Variants in ALPK3 observed in about 807,000 individuals in gnomAD.
ALPK3 encodes alpha kinase 3.
ALPK3 carries 102 observed loss-of-function variants against 140.0 expected under a neutral mutation model. The observed-to-expected ratio is 0.73, with a 90% CI of 0.62 to 0.86. The LOEUF (loss-of-function observed/expected upper bound fraction) is 0.86. ALPK3 is among the 40% of genes least tolerant of loss of function. The pLI is 0.00. For missense variants in ALPK3, 2,254 were observed against 2,208.2 expected, an observed-to-expected ratio of 1.02 and a Z score of -0.42; for synonymous variants, 938 against 898.5, an observed-to-expected ratio of 1.04 and a Z score of -0.79.
At chr15:84,832,985 C>T (rs753190444) in intron 3 of ALPK3, among the ~76,000 whole-genome samples, 1 of 152,178 alleles carries the variant, frequency 6.6e-6, no homozygotes, top group Non-Finnish European at 1.5e-5. Context: ...TTATCAAATA[C>T]TCCCAGTGTC....
At position 84,857,936 on chromosome 15, in the gene ALPK3, C is replaced by T; in HGVS notation, c.3198C>T (p.Pro1066=). 6.2e-7 allele frequency: 1 copy of T among 1,609,648 alleles called. No homozygotes were observed. Among genetic ancestry groups the T allele is most frequent in the Non-Finnish European group, 8.5e-7 (1 of 1,178,554 alleles). Residue 1066 remains proline, a synonymous_variant, in exon 6 of 14, where the codon CCC becomes CCT. Transcript: ENST00000258888. ...CCCGAGGCTCCTGGGGTCCTGGTCCCAGCTCCCTCACTGTCCCTGCCATTG... is the reference window on the plus strand; with the variant it reads ...CCCGAGGCTCCTGGGGTCCTGGTCCTAGCTCCCTCACTGTCCCTGCCATTG... The part of the protein sequence containing the change: ...AAARGSWGPG[P]SSLTVPAIVV...
At chr15:84,859,204 A>G (rs1963907637) in intron 6 of ALPK3, 39 bp from the exon 7 acceptor site, 1 of 1,612,380 alleles carries the variant, frequency 6.2e-7, no homozygotes. Flanking sequence ...TGGCCAGAGG[A>G]GAGGTGGTGT....
chr15:84,822,737 C>T (rs545520605), intron 1 of ALPK3, among the ~76,000 whole-genome samples: 6 of 152,300 alleles, frequency 3.9e-5, no homozygotes, highest in East Asian at 1.9e-4. Flanking sequence ...CAGAATGGGC[C>T]TTGTGTGGAC....
At chr15:84,824,956 CATGACAGT>C (rs931502324) in intron 2 of ALPK3, among the ~76,000 whole-genome samples, 2 of 152,174 alleles carry the variant, frequency 1.3e-5, no homozygotes, top group Non-Finnish European at 2.9e-5. Context: ...TTCAGCAGAA[CATGACAGT>C]ATATACAGTG....
At chr15:84,832,894 T>G (rs1963558148) in intron 3 of ALPK3, among the ~76,000 whole-genome samples, 1 of 152,168 alleles carries the variant, frequency 6.6e-6, no homozygotes, top group South Asian at 2.1e-4. Context: ...TCCTTTTCCA[T>G]TCTGTTCTTT....
At chr15:84,829,648 T>C (rs1412705788) in intron 3 of ALPK3, among the ~76,000 whole-genome samples, 3 of 152,154 alleles carry the variant, frequency 2.0e-5, no homozygotes, top group Non-Finnish European at 4.4e-5. Context: ...TGTTTATACA[T>C]CGTGAGTATC....
chr15:84,858,905 G>A (rs1258527854), intron 6 of ALPK3, among the ~76,000 whole-genome samples: 3 of 152,318 alleles, frequency 2.0e-5, no homozygotes, highest in South Asian at 4.1e-4. Context: ...TTACAGAGTG[G>A]TGGGGACAGG....
chr15:84,862,584 TTG>T, intron 9 of ALPK3, 49 bp from the exon 10 acceptor site: 1 of 1,546,704 alleles, frequency 6.5e-7, no homozygotes, highest in Non-Finnish European at 8.7e-7. Context: ...GAGCCCCACA[TTG>T]GTGAGACAGG....
At chr15:84,842,437 A>G (rs1481442390) in intron 5 of ALPK3, among the ~76,000 whole-genome samples, 2 of 152,224 alleles carry the variant, frequency 1.3e-5, no homozygotes, top group Non-Finnish European at 2.9e-5. Context: ...AAGCAGTTAT[A>G]GATCGGGAAT....
rs1266953053 is a variant in ALPK3, at chr15:84,864,549, G to T, written c.4607G>T (p.Gly1536Val). The T allele has an allele frequency of 1.2e-6, 2 of 1,614,238 alleles. No homozygotes were observed. The highest frequency in any genetic ancestry group is 3.3e-5 in the Admixed American group (2 of 60,034). Residue 1536 changes from glycine (G) to valine (V), a missense_variant, in exon 12 of 14, where the codon GGC becomes GTC. Coordinates refer to ENST00000258888, the MANE Select transcript of ALPK3 (RefSeq NM_020778.5). ...GAGTCTTACTGTTCTCGGGAATGGG[G>T]CTGTGCTGAGGCTCCGACAGCATCT... ...PLESYCSREW[G>V]CAEAPTASGS...
At chr15:84,832,018 G>C (rs1165370899) in intron 3 of ALPK3, among the ~76,000 whole-genome samples, 3 of 152,084 alleles carry the variant, frequency 2.0e-5, no homozygotes. Context: ...AGTTATGCTG[G>C]CTTACTCTCA....
At chr15:84,864,085 G>A (rs1404035768) in intron 11 of ALPK3, among the ~76,000 whole-genome samples, 3 of 152,118 alleles carry the variant, frequency 2.0e-5, no homozygotes, top group African/African-American at 7.2e-5. Context: ...GCATACCTGG[G>A]GTCCCACTGG....
At chr15:84,848,369 C>T (rs1456341289) in intron 5 of ALPK3, among the ~76,000 whole-genome samples, 1 of 151,814 alleles carries the variant, frequency 6.6e-6, no homozygotes, top group African/African-American at 2.4e-5. Context: ...TACTGTATGG[C>T]ACTTGAAGTG....
chr15:84,864,418 A>C, intron 11 of ALPK3, 24 bp from the exon 12 acceptor site: 1 of 1,596,370 alleles, frequency 6.3e-7, no homozygotes, highest in South Asian at 1.1e-5. Context: ...CTTCCTGCTT[A>C]CTGCAGGGTG....
intron 9 of ALPK3, among the ~76,000 whole-genome samples, chr15:84,861,554 G>T (rs1485929577): frequency 6.6e-6 from 1 of 152,144 alleles, no homozygotes; most frequent in African/African-American, 2.4e-5. Flanking sequence ...AAACCCTATT[G>T]TTATCTAGGG....
At chr15:84,867,592 C>G (rs1254940692) in intron 13 of ALPK3, among the ~76,000 whole-genome samples, 1 of 152,048 alleles carries the variant, frequency 6.6e-6, no homozygotes, top group Non-Finnish European at 1.5e-5. Flanking sequence ...CCCTGCAATC[C>G]AGAGCTCTCA....
At chr15:84,825,996 G>A (rs767065705) in intron 2 of ALPK3, among the ~76,000 whole-genome samples, 6 of 152,182 alleles carry the variant, frequency 3.9e-5, no homozygotes, top group Admixed American at 6.5e-5. Flanking sequence ...CAGCTCAAAT[G>A]TTCAGGTATG....
rs892638445 is a variant in ALPK3 at position 84,870,213 on chromosome 15, C to T, written c.*1757C>T. On this transcript the variant is annotated 3_prime_UTR_variant, in exon 14 of 14. Coordinates refer to ENST00000258888, the MANE Select transcript of ALPK3 (RefSeq NM_020778.5). ...GAACCTCCCCTTGCCTAACATTTCCCCTCTATGGTAACATCTCTGACTTCT... is the reference window on the plus strand; with the variant it reads ...GAACCTCCCCTTGCCTAACATTTCCTCTCTATGGTAACATCTCTGACTTCT... 6.6e-6 allele frequency: 1 copy of T among 152,166 alleles called. No homozygotes were observed. The highest frequency in any genetic ancestry group is 1.5e-5 in the Non-Finnish European group (1 of 68,064). The allele number at this position is 152,166 out of a possible 1,614,324, so 9.4% of individuals were successfully genotyped here.
At chr15:84,851,421 T>A (rs1199223881) in intron 5 of ALPK3, among the ~76,000 whole-genome samples, 2 of 152,210 alleles carry the variant, frequency 1.3e-5, no homozygotes, top group Non-Finnish European at 2.9e-5. Context: ...GATTTCCTTA[T>A]ATATTTTCAT....
Sources: allele counts gnomAD v4.1 joint callset (sites outside exome capture counted in the v4.1 genomes callset), GRCh38; gene constraint gnomAD v4.1.1; transcripts MANE v1.5; gene names NCBI Gene and HGNC (gene_info 2026-07-23, HGNC 2026-07-21).